CNTNAP2: variants seen among roughly 807,000 people sequenced by gnomAD.
CNTNAP2 encodes contactin-associated protein-like 2.
A neutral mutation model predicts 155.2 loss-of-function variants in CNTNAP2; 98 were observed. The ratio of observed to expected loss-of-function variants is 0.63; its 90% CI spans 0.54 to 0.75. The LOEUF is 0.75. Ranked by LOEUF, CNTNAP2 falls within the 30% of genes least tolerant of loss-of-function variation. The pLI, the probability that CNTNAP2 is intolerant of heterozygous loss-of-function variation, is 0.00. For missense variants in CNTNAP2, 1,727 were observed against 1,688.1 expected, an observed-to-expected ratio of 1.02 and a Z score of -0.40; for synonymous variants, 651 against 631.2, an observed-to-expected ratio of 1.03 and a Z score of -0.47.
intron 12 of CNTNAP2, among the ~76,000 whole-genome samples, chr7:147,598,750 G>C (rs1800879266): frequency 6.6e-6 from 1 of 152,126 alleles, no homozygotes; most frequent in South Asian, 2.1e-4. Context: ...CATGTCATGG[G>C]AGGTACCTAG....
intron 1 of CNTNAP2, among the ~76,000 whole-genome samples, chr7:146,465,085 G>A (rs1486238572): frequency 6.6e-6 from 1 of 151,840 alleles, no homozygotes; most frequent in African/African-American, 2.4e-5. Context: ...GCCCATCACC[G>A]TATCCCCAGC....
At chr7:147,958,141 G>A (rs1801051751) in intron 14 of CNTNAP2, among the ~76,000 whole-genome samples, 1 of 152,108 alleles carries the variant, frequency 6.6e-6, no homozygotes, top group African/African-American at 2.4e-5. Flanking sequence ...TAACTTTCTA[G>A]AGCTTAGTTT....
At chr7:146,741,755 G>A (rs187803357) in intron 1 of CNTNAP2, among the ~76,000 whole-genome samples, 5 of 152,114 alleles carry the variant, frequency 3.3e-5, no homozygotes, top group East Asian at 3.9e-4. Context: ...TTTGAATATT[G>A]CATGAGGCCG....
rs570288937 is a variant in CNTNAP2 at position 148,415,739 on chromosome 7, G to A, written c.*123G>A. The A allele has an allele frequency of 8.4e-6, 9 of 1,068,656 alleles. No individual in the cohort carries two copies. Among genetic ancestry groups the A allele is most frequent in the African/African-American group, 8.0e-5 (5 of 62,882 alleles). 66.2% of individuals were successfully genotyped at this position (1,068,656 alleles called of 1,614,324 possible). On this transcript the variant is annotated 3_prime_UTR_variant, in exon 24 of 24. Transcript: ENST00000361727. Reference sequence around the variant, plus strand: ...AAAATATCAGCACAAGTTGGGGGAGGCAGGCAATGGAATATAATGGAATAT... The same window carrying A: ...AAAATATCAGCACAAGTTGGGGGAGACAGGCAATGGAATATAATGGAATAT...
chr7:147,607,060 G>T (rs970061588), intron 12 of CNTNAP2, among the ~76,000 whole-genome samples: 3 of 152,128 alleles, frequency 2.0e-5, no homozygotes, highest in Admixed American at 6.5e-5. Flanking sequence ...TCTCCAAAAA[G>T]CTATTTCTAG....
intron 11 of CNTNAP2, among the ~76,000 whole-genome samples, chr7:147,490,093 A>G (rs2116646450): frequency 6.6e-6 from 1 of 152,342 alleles, no homozygotes; most frequent in Non-Finnish European, 1.5e-5. Flanking sequence ...TAAATGTCAG[A>G]TGTGCATTCT....
At chr7:147,515,510 A>G (rs1799108112) in intron 11 of CNTNAP2, among the ~76,000 whole-genome samples, 1 of 151,710 alleles carries the variant, frequency 6.6e-6, no homozygotes. Context: ...TTTAGTGGAG[A>G]TGGGGTTTTA....
At chr7:147,136,758 C>T (rs1447980676) in intron 8 of CNTNAP2, among the ~76,000 whole-genome samples, 1 of 151,724 alleles carries the variant, frequency 6.6e-6, no homozygotes, top group East Asian at 1.9e-4. Context: ...GATAACTTGC[C>T]CCATGAGACA....
At chr7:146,495,109 G>C (rs1797194589) in intron 1 of CNTNAP2, among the ~76,000 whole-genome samples, 1 of 152,302 alleles carries the variant, frequency 6.6e-6, no homozygotes, top group South Asian at 2.1e-4. Context: ...AAAATGATGA[G>C]TGAGGTTGTC....
intron 13 of CNTNAP2, among the ~76,000 whole-genome samples, chr7:147,743,664 T>A (rs1796991812): frequency 6.8e-6 from 1 of 147,996 alleles, no homozygotes; most frequent in Non-Finnish European, 1.5e-5. Context: ...TGAGTGCCAT[T>A]TTCTCCTTCC....
At chr7:148,105,722 G>C in intron 15 of CNTNAP2, among the ~76,000 whole-genome samples, 1 of 151,896 alleles carries the variant, frequency 6.6e-6, no homozygotes, top group Admixed American at 6.6e-5. Flanking sequence ...AAGTAGCTGG[G>C]ACTACAGGCA....
chr7:147,531,344 C>G (rs1799428073), intron 11 of CNTNAP2, among the ~76,000 whole-genome samples: 1 of 152,236 alleles, frequency 6.6e-6, no homozygotes, highest in South Asian at 2.1e-4. Flanking sequence ...AGCAGAGGTT[C>G]TCCATGAGGG....
chr7:146,682,207 A>C (rs1475132204), intron 1 of CNTNAP2, among the ~76,000 whole-genome samples: 4 of 152,160 alleles, frequency 2.6e-5, no homozygotes, highest in African/African-American at 9.7e-5. Flanking sequence ...TCACTGTGGA[A>C]GAACAATATA....
At chr7:147,815,840 G>T (rs143417162) in intron 13 of CNTNAP2, among the ~76,000 whole-genome samples, 2,562 of 152,304 alleles carry the variant, frequency 0.017, 40 homozygotes, top group Non-Finnish European at 0.022. Flanking sequence ...CCAGGGCTCC[G>T]CGGGCTGCCT....
At chr7:146,351,214 G>T (rs1794910436) in intron 1 of CNTNAP2, among the ~76,000 whole-genome samples, 1 of 151,744 alleles carries the variant, frequency 6.6e-6, no homozygotes, top group South Asian at 2.1e-4. Context: ...CATGTGAACA[G>T]AAGACTGAGG....
chr7:147,551,904 G>A (rs1799860820), intron 11 of CNTNAP2, among the ~76,000 whole-genome samples: 1 of 152,060 alleles, frequency 6.6e-6, no homozygotes, highest in African/African-American at 2.4e-5. Context: ...AAATTATAAA[G>A]GCTTAGCAAA....
chr7:147,753,060 G>A (rs1265563555), intron 13 of CNTNAP2, among the ~76,000 whole-genome samples: 1 of 152,178 alleles, frequency 6.6e-6, no homozygotes, highest in African/African-American at 2.4e-5. Flanking sequence ...TACCTATCTT[G>A]AAGCGTCAGA....
chr7:147,895,357 C>A (rs2708257), intron 13 of CNTNAP2, among the ~76,000 whole-genome samples: 100,918 of 151,904 alleles, frequency 0.66, 33,828 homozygotes, highest in Middle Eastern at 0.76. Context: ...TAATCATCCA[C>A]ACCATAATAA....
chr7:147,475,601 G>T (rs1440856183), intron 10 of CNTNAP2, among the ~76,000 whole-genome samples: 3 of 151,244 alleles, frequency 2.0e-5, no homozygotes, highest in Non-Finnish European at 2.9e-5. Context: ...TTACCAATTT[G>T]TCTTTGTATT....
Sources: gnomAD v4.1 joint callset for allele counts (sites outside exome capture counted in the v4.1 genomes callset) on GRCh38, gnomAD v4.1.1 for gene constraint, MANE v1.5 for transcripts, NCBI Gene and HGNC (gene_info 2026-07-23, HGNC 2026-07-21) for gene names.